The following HCAR1 variants were observed in gnomAD, a reference collection of about 807,000 sequenced individuals.
The protein encoded by HCAR1 is G protein-coupled receptor 104.
For synonymous variants in HCAR1, 183 were observed against 182.1 expected, an observed-to-expected ratio of 1.01 and a Z score of -0.04; for missense variants, 445 against 448.7, an observed-to-expected ratio of 0.99 and a Z score of 0.07.
rs775822652 is a variant in HCAR1, at chr12:122,730,312, C to T, written c.28G>A (p.Glu10Lys). 1.3e-6 allele frequency: 2 copies of T among 1,590,508 alleles called. No individual in the cohort carries two copies. The highest frequency in any genetic ancestry group is 1.1e-5 in the South Asian group (1 of 88,698). The change falls in exon 1 of 1, where the codon GAG (glutamate) becomes AAG (lysine). Residue 10 changes from glutamate to lysine, a missense_variant. By Grantham distance (56) the Glu-to-Lys change is moderately conservative. Transcript: ENST00000432564. MYNGSCCRI[E>K]GDTISQVMPP... ...ATCACCTGGGAGATGGTGTCCCCCT[C>T]GATGCGGCAGCACGACCCGTTGTAC...
At position 122,730,074 on chromosome 12, in the gene HCAR1, C is replaced by T. The variant is rs560592243; in HGVS notation, c.266G>A (p.Arg89Gln). 3 of 1,614,120 alleles carry T rather than the reference C, an allele frequency of 1.9e-6. No individual in the cohort carries two copies. Among genetic ancestry groups the T allele is most frequent in the Non-Finnish European group, 2.5e-6 (3 of 1,180,018 alleles). The change falls in exon 1 of 1, where the codon CGA (arginine) becomes CAA (glutamine). Residue 89 changes from arginine to glutamine, a missense_variant. Physicochemically the swap from Arg to Gln is conservative, Grantham distance 43. Transcript: ENST00000432564. The stretch of plus-strand genomic sequence containing the variant: ...CATGGCCAACGTGAAGAGCCCCACT[C>T]GGCAGGGAATGTCCCCAAAAGCCCA... ...RHWAFGDIPC[R>Q]VGLFTLAMNR... is the part of the protein sequence containing the mutation.
Position 122,729,053 on chromosome 12 carries a change from A to G in HCAR1, c.*246T>C, listed in dbSNP as rs1400313075. 2 of 547,642 alleles carry G rather than the reference A, an allele frequency of 3.7e-6. No homozygotes were observed. The highest frequency in any genetic ancestry group is 6.6e-6 in the Non-Finnish European group (2 of 304,798). The allele number at this position is 547,642 out of a possible 1,614,324, so 33.9% of individuals were successfully genotyped here. ...CACACACATGCTCCACTCCATGCACATTCTGTCCCCTGCCATTGTGATCAG... is the reference window on the plus strand; with the variant it reads ...CACACACATGCTCCACTCCATGCACGTTCTGTCCCCTGCCATTGTGATCAG... On this transcript the variant is annotated 3_prime_UTR_variant, in exon 1 of 1. Coordinates refer to ENST00000432564, the MANE Select transcript of HCAR1 (RefSeq NM_032554.4).
chr12:122,730,605 G>C lies in HCAR1; in HGVS notation c.-266C>G, dbSNP rs564273788. 1 of 398,388 alleles carries C rather than the reference G, an allele frequency of 2.5e-6. No homozygotes were observed. The highest frequency in any genetic ancestry group is 9.8e-5 in the South Asian group (1 of 10,202). The allele number at this position is 398,388 out of a possible 1,614,324, so 24.7% of individuals were successfully genotyped here. On this transcript the variant is annotated 5_prime_UTR_variant, in exon 1 of 1. Coordinates refer to ENST00000432564, the MANE Select transcript of HCAR1 (RefSeq NM_032554.4). ...TCTGGGAGAGGCCAAGCCTGGAGCCGGATGAAGCTTGGAAATGCATGCAAT... is the reference window on the plus strand; with the variant it reads ...TCTGGGAGAGGCCAAGCCTGGAGCCCGATGAAGCTTGGAAATGCATGCAAT...
At position 122,729,358 on chromosome 12, in the gene HCAR1, T is replaced by C; in HGVS notation, c.982A>G (p.Asn328Asp). ...LGRRSCISVA[N>D]SFQSQSDGQW... is the part of the protein sequence containing the mutation. The stretch of plus-strand genomic sequence containing the variant: ...CCATCAGACTGGCTTTGGAAACTAT[T>C]TGCCACACTGATGCAACTCCTGCGA... Residue 328 changes from asparagine (N) to aspartate (D), a missense_variant, in exon 1 of 1, where the codon AAT (asparagine) becomes GAT (aspartate). Physicochemically the swap from Asn to Asp is conservative, Grantham distance 23. Coordinates refer to ENST00000432564, the MANE Select transcript of HCAR1 (RefSeq NM_032554.4). The C allele has an allele frequency of 6.2e-7, 1 of 1,614,188 alleles. No individual in the cohort carries two copies. The highest frequency in any genetic ancestry group is 1.1e-5 in the South Asian group (1 of 91,088).
rs911524171 is a variant in HCAR1 at position 122,726,969 on chromosome 12, A to C, written c.*2330T>G. 6.7e-6 allele frequency: 1 copy of C among 150,066 alleles called. No homozygotes were observed. The highest frequency in any genetic ancestry group is 2.0e-4 in the East Asian group (1 of 5,122). 9.3% of individuals were successfully genotyped at this position (150,066 alleles called of 1,614,324 possible). A position where few individuals can be genotyped will look rare whatever the true frequency, so the allele number is the denominator to read the frequency against. On this transcript the variant is annotated 3_prime_UTR_variant, in exon 1 of 1. Transcript: ENST00000432564. ...GATAGATAGATATCTATATATCTCT[A>C]TATATATCTATATATATGCCAGGCT...
At position 122,729,409 on chromosome 12, in the gene HCAR1, C is replaced by T; in HGVS notation, c.931G>A (p.Glu311Lys). ...CCGAGGTTCGAAATTGGCATCTCTTCCGGCCTTTGTGTTTTTGAGTGTCCT... is the reference window on the plus strand; with the variant it reads ...CCGAGGTTCGAAATTGGCATCTCTTTCGGCCTTTGTGTTTTTGAGTGTCCT... ...QPGHSKTQRP[E>K]EMPISNLGRR... Residue 311 changes from glutamate (E) to lysine (K), a missense_variant, in exon 1 of 1, where the codon GAA becomes AAA. By Grantham distance (56) the Glu-to-Lys change is moderately conservative. Transcript: ENST00000432564. 6.2e-7 allele frequency: 1 copy of T among 1,614,146 alleles called. No individual in the cohort carries two copies. The highest frequency in any genetic ancestry group is 1.3e-5 in the African/African-American group (1 of 75,030).
rs1877787559 is a variant in HCAR1 at position 122,726,164 on chromosome 12, AGT to A, written c.*3133_*3134del. 1 of 152,200 alleles carries A rather than the reference AGT, an allele frequency of 6.6e-6. No individual in the cohort carries two copies. The highest frequency in any genetic ancestry group is 2.4e-5 in the African/African-American group (1 of 41,450). The allele number at this position is 152,200 out of a possible 1,614,324, so 9.4% of individuals were successfully genotyped here. A position where few individuals can be genotyped will look rare whatever the true frequency, so the allele number is the denominator to read the frequency against. On this transcript the variant is annotated 3_prime_UTR_variant, in exon 1 of 1. Transcript: ENST00000432564. Reference sequence around the variant, plus strand: ...TTCTAAGAATAGAACTAAAAGCAGAAGTGTGTGTTTTCGCAGATTCCTATCAG... The same window carrying A: ...TTCTAAGAATAGAACTAAAAGCAGAAGTGTGTTTTCGCAGATTCCTATCAG...
rs148912167 is a variant in HCAR1, at chr12:122,730,282, G to C, written c.58C>G (p.Pro20Ala). ...AGCACAAAGGCCACAATGAGCAGCG[G>C]CGGCATCACCTGGGAGATGGTGTCC... ...EGDTISQVMPPLLIVAFVLGA... is the reference protein window; with the variant it reads ...EGDTISQVMPALLIVAFVLGA... Residue 20 changes from proline to alanine, a missense_variant, in exon 1 of 1, where the codon CCG becomes GCG. Pro to Ala is a conservative substitution (Grantham distance 27, BLOSUM62 -1). Transcript: ENST00000432564. The C allele has an allele frequency of 1.6e-5, 25 of 1,605,826 alleles. No individual in the cohort carries two copies. Among genetic ancestry groups the C allele is most frequent in the Non-Finnish European group, 2.0e-5 (23 of 1,174,702 alleles).
chr12:122,728,758 G>A lies in HCAR1; in HGVS notation c.*541C>T, dbSNP rs752940610. The stretch of plus-strand genomic sequence containing the variant: ...AAGGCAGGCGGATCACCTGAGGTCA[G>A]GAGCTCGAGACCAGCCTGGCCAACA... On this transcript the variant is annotated 3_prime_UTR_variant, in exon 1 of 1. Transcript: ENST00000432564. 11 of 159,572 alleles carry A rather than the reference G, an allele frequency of 6.9e-5. No individual in the cohort carries two copies. The highest frequency in any genetic ancestry group is 1.5e-4 in the Non-Finnish European group (11 of 72,276). 9.9% of individuals were successfully genotyped at this position (159,572 alleles called of 1,614,324 possible). A position where few individuals can be genotyped will look rare whatever the true frequency, so the allele number is the denominator to read the frequency against.
rs766843591 is a variant in HCAR1 at position 122,728,618 on chromosome 12, G to A, written c.*681C>T. 4 of 152,686 alleles carry A rather than the reference G, an allele frequency of 2.6e-5. No individual in the cohort carries two copies. The highest frequency in any genetic ancestry group is 6.5e-5 in the Admixed American group (1 of 15,312). 9.5% of individuals were successfully genotyped at this position (152,686 alleles called of 1,614,324 possible). A position where few individuals can be genotyped will look rare whatever the true frequency, so the allele number is the denominator to read the frequency against. On this transcript the variant is annotated 3_prime_UTR_variant, in exon 1 of 1. Coordinates refer to ENST00000432564, the MANE Select transcript of HCAR1 (RefSeq NM_032554.4). ...CTGCTAACTGCCCCATAGCCCCTAA[G>A]AGAGTGAACATGCCCCATTCAAACA...
Position 122,729,457 on chromosome 12 carries a change from A to G in HCAR1, c.883T>C (p.Cys295Arg). Reference sequence around the variant, plus strand: ...CCTGGCTGCTTGGGTTTCAGACTGCAGATTTTGAGCTTGTTGTAGAATTTG... The same window carrying G: ...CCTGGCTGCTTGGGTTTCAGACTGCGGATTTTGAGCTTGTTGTAGAATTTG... ...FPKFYNKLKI[C>R]SLKPKQPGHS... Residue 295 changes from cysteine to arginine, a missense_variant, in exon 1 of 1, where the codon TGC becomes CGC. Physicochemically the swap from Cys to Arg is radical, Grantham distance 180. Coordinates refer to ENST00000432564, the MANE Select transcript of HCAR1 (RefSeq NM_032554.4). 1 of 1,614,080 alleles carries G rather than the reference A, an allele frequency of 6.2e-7. No homozygotes were observed. The highest frequency in any genetic ancestry group is 8.5e-7 in the Non-Finnish European group (1 of 1,180,028).
rs1877859060 is a variant in HCAR1 at position 122,728,955 on chromosome 12, A to G, written c.*344T>C. 1 of 279,278 alleles carries G rather than the reference A, an allele frequency of 3.6e-6. No homozygotes were observed. The highest frequency in any genetic ancestry group is 6.9e-6 in the Non-Finnish European group (1 of 144,736). The allele number at this position is 279,278 out of a possible 1,614,324, so 17.3% of individuals were successfully genotyped here. On this transcript the variant is annotated 3_prime_UTR_variant, in exon 1 of 1. Coordinates refer to ENST00000432564, the MANE Select transcript of HCAR1 (RefSeq NM_032554.4). Reference sequence around the variant, plus strand: ...GCACTCCAGCCTGGGACACAGAGTGAGACTCTGTCTCAAAACAAAAACAAA... The same window carrying G: ...GCACTCCAGCCTGGGACACAGAGTGGGACTCTGTCTCAAAACAAAAACAAA...
At position 122,730,661 on chromosome 12, in the gene HCAR1, T is replaced by A; in HGVS notation, c.-322A>T. Reference sequence around the variant, plus strand: ...AAAAGTGGTCATTTCTGAGAGGCGGTAGGGTGGGGGGGTCCGATGAGATTG... The same window carrying A: ...AAAAGTGGTCATTTCTGAGAGGCGGAAGGGTGGGGGGGTCCGATGAGATTG... On this transcript the variant is annotated 5_prime_UTR_variant, in exon 1 of 1. Coordinates refer to ENST00000432564, the MANE Select transcript of HCAR1 (RefSeq NM_032554.4). 1 of 268,212 alleles carries A rather than the reference T, an allele frequency of 3.7e-6. No individual in the cohort carries two copies. The highest frequency in any genetic ancestry group is 5.0e-5 in the Admixed American group (1 of 20,036). 16.6% of individuals were successfully genotyped at this position (268,212 alleles called of 1,614,324 possible).
Position 122,726,961 on chromosome 12 carries a change from A to G in HCAR1, c.*2338T>C, listed in dbSNP as rs1360698762. 2.0e-5 allele frequency: 3 copies of G among 149,260 alleles called. No homozygotes were observed. The highest frequency in any genetic ancestry group is 4.4e-5 in the Non-Finnish European group (3 of 67,580). The allele number at this position is 149,260 out of a possible 1,614,324, so 9.2% of individuals were successfully genotyped here. ...TATATATAGATAGATAGATATCTAT[A>G]TATCTCTATATATATCTATATATAT... On this transcript the variant is annotated 3_prime_UTR_variant, in exon 1 of 1. Coordinates refer to ENST00000432564, the MANE Select transcript of HCAR1 (RefSeq NM_032554.4).
Position 122,728,966 on chromosome 12 carries a change from CA to C in HCAR1, c.*332del, listed in dbSNP as rs1379544192. ...TGGGACACAGAGTGAGACTCTGTCT[CA>C]AAACAAAAACAAACAACGAAAATTA... On this transcript the variant is annotated 3_prime_UTR_variant, in exon 1 of 1. Coordinates refer to ENST00000432564, the MANE Select transcript of HCAR1 (RefSeq NM_032554.4). 9 of 295,444 alleles carry C rather than the reference CA, an allele frequency of 3.0e-5. No homozygotes were observed. 18.3% of individuals were successfully genotyped at this position (295,444 alleles called of 1,614,324 possible).
In HCAR1 at chr12:122,729,699, C is replaced by G. The variant is rs201961889; in HGVS notation, c.641G>C (p.Arg214Pro). ...GATGAACCGGGTCGCCTTCTTCATC[C>G]GAGCCTGTCTGGCCAGCTGCTGCCT... is the stretch of plus-strand genomic sequence containing the variant. ...RRRQQLARQA[R>P]MKKATRFIMV... The change falls in exon 1 of 1, where the codon CGG (arginine) becomes CCG (proline). Residue 214 changes from arginine (R) to proline (P), a missense_variant. By Grantham distance (103) the Arg-to-Pro change is moderately radical. Transcript: ENST00000432564. The G allele has an allele frequency of 3.1e-6, 5 of 1,613,850 alleles. No individual in the cohort carries two copies. The East Asian group carries it at 8.9e-5, about 29-fold the overall frequency.
chr12:122,729,516 G>A lies in HCAR1; in HGVS notation c.824C>T (p.Pro275Leu). The A allele has an allele frequency of 6.2e-7, 1 of 1,614,022 alleles. No homozygotes were observed. Among genetic ancestry groups the A allele is most frequent in the African/African-American group, 1.3e-5 (1 of 74,980 alleles). Residue 275 changes from proline to leucine, a missense_variant, in exon 1 of 1, where the codon CCC (proline) becomes CTC (leucine). Transcript: ENST00000432564. ...GGGGCTTGAAAAATAATACACCAGG[G>A]GATCCAGCATGCTGTTCATGTAGGT... ...SFTYMNSMLD[P>L]LVYYFSSPSF...
rs1877874025 is a variant in HCAR1 at position 122,729,408 on chromosome 12, TC to T, written c.931del (p.Glu311LysfsTer44). On this transcript the variant is annotated frameshift_variant, in exon 1 of 1. Coordinates refer to ENST00000432564, the MANE Select transcript of HCAR1 (RefSeq NM_032554.4). LOFTEE classifies it low-confidence loss of function (END_TRUNC). ...ACCGAGGTTCGAAATTGGCATCTCT[TC>T]CGGCCTTTGTGTTTTTGAGTGTCCT... ...QPGHSKTQRP[E>X]EMPISNLGRR... 2 of 1,614,158 alleles carry T rather than the reference TC, an allele frequency of 1.2e-6. No individual in the cohort carries two copies. The highest frequency in any genetic ancestry group is 1.7e-6 in the Non-Finnish European group (2 of 1,180,040).
rs984676495 is a variant in HCAR1 at position 122,727,732 on chromosome 12, G to C, written c.*1567C>G. The stretch of plus-strand genomic sequence containing the variant: ...TCCGCCTCAGTCTCCCAAAGTGCTG[G>C]GATCACAAGCGTGAGCCACCATGCC... On this transcript the variant is annotated 3_prime_UTR_variant, in exon 1 of 1. Coordinates refer to ENST00000432564, the MANE Select transcript of HCAR1 (RefSeq NM_032554.4). 2 of 152,188 alleles carry C rather than the reference G, an allele frequency of 1.3e-5. No homozygotes were observed. The highest frequency in any genetic ancestry group is 4.8e-5 in the African/African-American group (2 of 41,432). 9.4% of individuals were successfully genotyped at this position (152,188 alleles called of 1,614,324 possible). A position where few individuals can be genotyped will look rare whatever the true frequency, so the allele number is the denominator to read the frequency against.
Sources: allele counts gnomAD v4.1 joint callset, GRCh38; gene constraint gnomAD v4.1.1; transcripts MANE v1.5; gene names NCBI Gene and HGNC (gene_info 2026-07-23, HGNC 2026-07-21).